Variants in EVC observed in about 807,000 individuals in gnomAD.
EVC encodes EvC ciliary complex subunit 1, also known as evC complex member EVC.
In EVC, 116 loss-of-function variants were observed where a neutral mutation model predicts 118.9. The observed-to-expected ratio is 0.98, with a 90% CI of 0.84 to 1.14. EVC has a LOEUF of 1.14. Among genes scored for constraint, EVC ranks in the 50% most tolerant of loss-of-function variants. The pLI is 0.00. For missense variants in EVC, 1,401 were observed against 1,246.4 expected (o/e 1.12, Z -1.87); for synonymous variants, 619 against 534.7 (o/e 1.16, Z -2.18).
At chr4:5,714,200 C>T (rs912056432) in intron 1 of EVC, among the ~76,000 whole-genome samples, 2 of 152,212 alleles carry the variant, frequency 1.3e-5, no homozygotes, top group South Asian at 2.1e-4. Flanking sequence ...AGGTACTTCC[C>T]TGCTTTGTAG....
the EVC span, chr4:5,828,297 C>G: frequency 2.0e-6 from 2 of 984,968 alleles, no homozygotes; most frequent in South Asian, 4.7e-5. Flanking sequence ...ACTTGCATGT[C>G]CTCATTTGAT....
chr4:5,786,827 A>G (rs923691389), intron 12 of EVC, among the ~76,000 whole-genome samples: 4 of 150,020 alleles, frequency 2.7e-5, no homozygotes, highest in African/African-American at 4.9e-5. Flanking sequence ...AGCCGAGATC[A>G]CGCCACTGAA....
chr4:5,792,638 T>C (rs544546731), intron 12 of EVC, among the ~76,000 whole-genome samples: 1 of 152,222 alleles, frequency 6.6e-6, no homozygotes, highest in Non-Finnish European at 1.5e-5. Context: ...TCGAATTTTA[T>C]GCACCATATT....
At chr4:5,817,747 C>G (rs1305821011), downstream of EVC, among the ~76,000 whole-genome samples, 1 of 152,158 alleles carries the variant, frequency 6.6e-6, no homozygotes, top group Non-Finnish European at 1.5e-5. Context: ...AGAAGAGTAG[C>G]TCTGTTGAGT....
chr4:5,766,290 C>G (rs1300694650), intron 11 of EVC, among the ~76,000 whole-genome samples: 1 of 151,612 alleles, frequency 6.6e-6, no homozygotes, highest in African/African-American at 2.4e-5. Flanking sequence ...GTCTGATGGG[C>G]TTCCCTTTGT....
In EVC at chr4:5,742,361, T is replaced by C. The variant is rs1295774674; in HGVS notation, c.801+547T>C. On this transcript the variant is annotated intron_variant, in intron 6 of 20. Coordinates refer to ENST00000264956, the MANE Select transcript of EVC (RefSeq NM_153717.3). The surrounding 1 kb of genome is among the most constrained non-coding windows in gnomAD (Gnocchi z 5.2). ...TATGATACACCTAGCAATGTCATAG[T>C]TGGCTGTGAATATGTGATGGCTGCT... Among the ~76,000 whole-genome samples the C allele has an allele frequency of 6.6e-6, 1 of 152,184 alleles. No homozygotes were observed. Among genetic ancestry groups the C allele is most frequent in the Non-Finnish European group, 1.5e-5 (1 of 68,038 alleles).
intron 4 of EVC, among the ~76,000 whole-genome samples, chr4:5,732,587 C>T (rs988238467): frequency 2.0e-5 from 3 of 152,246 alleles, no homozygotes; most frequent in Non-Finnish European, 4.4e-5. Flanking sequence ...TATCTGCCCC[C>T]GTTGACCCTA....
At chr4:5,776,063 C>A (rs1359991367) in intron 11 of EVC, among the ~76,000 whole-genome samples, 6 of 151,704 alleles carry the variant, frequency 4.0e-5, no homozygotes, top group African/African-American at 1.5e-4. Context: ...CTTTCCATTC[C>A]TAATTTGCTA....
chr4:5,797,565 A>G (rs1268835177), intron 14 of EVC, among the ~76,000 whole-genome samples: 1 of 152,122 alleles, frequency 6.6e-6, no homozygotes, highest in African/African-American at 2.4e-5. Context: ...CATCTCTTAT[A>G]AGGACACCAG....
chr4:5,744,975 T>G (rs968776860), intron 6 of EVC, among the ~76,000 whole-genome samples: 2 of 151,868 alleles, frequency 1.3e-5, no homozygotes, highest in Non-Finnish European at 2.9e-5. Context: ...CTAGTTTTTT[T>G]TTTTTTTTTG....
In EVC at chr4:5,755,379, T is replaced by C. The variant is rs888093647; in HGVS notation, c.1465-885T>C. Among the ~76,000 whole-genome samples the C allele has an allele frequency of 5.3e-5, 8 of 151,992 alleles. No homozygotes were observed. The highest frequency in any genetic ancestry group is 8.8e-5 in the Non-Finnish European group (6 of 68,004). On this transcript the variant is annotated intron_variant, in intron 10 of 20. Transcript: ENST00000264956. The surrounding 1 kb of genome is among the most constrained non-coding windows in gnomAD (Gnocchi z 4.1). ...AGGCAGGGAAGGGTGAATGAGCGCA[T>C]GCGTGCCTGAATGAACCAGGACATG...
rs1415373756 is a variant in EVC, at chr4:5,798,270, C to G, written c.2098-316C>G. 6.6e-6 allele frequency among the ~76,000 whole-genome samples: 1 copy of G among 152,208 alleles called. No individual in the cohort carries two copies. The highest frequency in any genetic ancestry group is 1.5e-5 in the Non-Finnish European group (1 of 68,032). On this transcript the variant is annotated intron_variant, in intron 14 of 20. Coordinates refer to ENST00000264956, the MANE Select transcript of EVC (RefSeq NM_153717.3). This position sits in a 1 kb window ranked among gnomAD's most constrained non-coding sequence, Gnocchi z 4.1. Reference sequence around the variant, plus strand: ...AACTTCTCTGAGCCTTCGTGTCCTCCTCAGTGCTAGTGTTCAGGTCTCATG... The same window carrying G: ...AACTTCTCTGAGCCTTCGTGTCCTCGTCAGTGCTAGTGTTCAGGTCTCATG...
chr4:5,745,566 C>G (rs963076215), intron 7 of EVC, among the ~76,000 whole-genome samples: 2 of 152,138 alleles, frequency 1.3e-5, no homozygotes, highest in Admixed American at 6.5e-5. Flanking sequence ...ATGAATTATC[C>G]TCATTTAAAT....
At chr4:5,817,911 T>C (rs952592327), downstream of EVC, among the ~76,000 whole-genome samples, 1 of 152,214 alleles carries the variant, frequency 6.6e-6, no homozygotes, top group Non-Finnish European at 1.5e-5. Flanking sequence ...AGGAAAAGTA[T>C]GTGCAAAGAC....
At chr4:5,718,440 G>A (rs1272065042) in intron 1 of EVC, among the ~76,000 whole-genome samples, 1 of 151,988 alleles carries the variant, frequency 6.6e-6, no homozygotes, top group African/African-American at 2.4e-5. Context: ...TTGTGTTTCG[G>A]GAGACTAGAC....
Position 5,752,909 on chromosome 4 carries a change from A to G in EVC, c.1172A>G (p.Glu391Gly). The stretch of plus-strand genomic sequence containing the variant: ...GAGTTTCTGAAGCTGCAAGTCCAGG[A>G]GGAGACCAGGTGCCGGCTGGCTGCC... Reference protein sequence around the residue: ...VIEFLKLQVQEETRCRLAAIS... With the variant: ...VIEFLKLQVQGETRCRLAAIS... Residue 391 changes from glutamate to glycine, a missense_variant, in exon 9 of 21, where the codon GAG (glutamate) becomes GGG (glycine). By Grantham distance (98) the Glu-to-Gly change is moderately conservative. Coordinates refer to ENST00000264956, the MANE Select transcript of EVC (RefSeq NM_153717.3). The G allele has an allele frequency of 6.2e-7, 1 of 1,614,200 alleles. No individual in the cohort carries two copies. Among genetic ancestry groups the G allele is most frequent in the Non-Finnish European group, 8.5e-7 (1 of 1,180,032 alleles).
downstream of EVC, among the ~76,000 whole-genome samples, chr4:5,814,762 G>GC (rs1284055750): frequency 6.6e-6 from 1 of 150,690 alleles, no homozygotes; most frequent in East Asian, 2.0e-4. Context: ...GAAGACCCCT[G>GC]CCCCCCTCCC....
At chr4:5,735,885 A>T (rs968885814) in intron 5 of EVC, among the ~76,000 whole-genome samples, 1 of 152,188 alleles carries the variant, frequency 6.6e-6, no homozygotes, top group East Asian at 1.9e-4. Flanking sequence ...TCTGGGGAGC[A>T]TAACTCTATC....
Position 5,754,320 on chromosome 4 carries a change from C to T in EVC, c.1464+387C>T, listed in dbSNP as rs1397250935. ...GGCTCACACACCCAGGGACAGGGCC[C>T]TTGTGGGTCGGCTGCAAGTCCAGGA... On this transcript the variant is annotated intron_variant, in intron 10 of 20. Coordinates refer to ENST00000264956, the MANE Select transcript of EVC (RefSeq NM_153717.3). The surrounding 1 kb of genome is among the most constrained non-coding windows in gnomAD (Gnocchi z 5.8). Among the ~76,000 whole-genome samples, 1 of 152,128 alleles carries T rather than the reference C, an allele frequency of 6.6e-6. No individual in the cohort carries two copies. Among genetic ancestry groups the T allele is most frequent in the Non-Finnish European group, 1.5e-5 (1 of 68,026 alleles).
Sources: gnomAD v4.1 joint callset for allele counts (sites outside exome capture counted in the v4.1 genomes callset) on GRCh38, gnomAD v4.1.1 for gene constraint, Gnocchi (gnomAD v3.1) non-coding constraint, MANE v1.5 for transcripts, NCBI Gene and HGNC (gene_info 2026-07-23, HGNC 2026-07-21) for gene names.